Variants in RYR2 observed in about 807,000 individuals in gnomAD.
The protein encoded by RYR2 is ryanodine receptor 2.
Under a neutral mutation model 601.1 loss-of-function variants are expected in RYR2, and 227 were observed. The ratio of observed to expected loss-of-function variants is 0.38; its 90% CI spans 0.34 to 0.42. RYR2 has a LOEUF of 0.42. Among genes scored for constraint, RYR2 ranks in the 10% least tolerant of loss-of-function variants. RYR2 has a pLI of 1.00. For missense variants in RYR2, 4,646 were observed against 6,156.5 expected (o/e 0.75, Z 8.21); for synonymous variants, 2,223 against 2,175.1 (o/e 1.02, Z -0.61).
intron 19 of RYR2, among the ~76,000 whole-genome samples, chr1:237,495,506 TTTTG>T (rs371798751): frequency 1.7e-4 from 26 of 152,168 alleles, no homozygotes; most frequent in African/African-American, 3.4e-4. Context: ...CCTTCTATGT[TTTTG>T]TTTGTTTGTT....
rs1408343515 is a variant in RYR2 at position 237,586,959 on chromosome 1, T to A, written c.3599-2834T>A. The stretch of plus-strand genomic sequence containing the variant: ...GTCTTGAACTTGTGGCCTCAAGTGA[T>A]CCACCTGCCTCAGCCTCCCAAAGTG... On this transcript the variant is annotated intron_variant, in intron 29 of 104. Transcript: ENST00000366574. 1.3e-5 allele frequency among the ~76,000 whole-genome samples: 2 copies of A among 152,148 alleles called. 1 individual carries two copies.
chr1:237,793,379 G>A (rs1417272772), intron 94 of RYR2, among the ~76,000 whole-genome samples: 1 of 152,204 alleles, frequency 6.6e-6, no homozygotes, highest in Non-Finnish European at 1.5e-5. Flanking sequence ...CAAACTGACA[G>A]ATTTTTGCTG....
intron 1 of RYR2, among the ~76,000 whole-genome samples, chr1:237,043,122 CG>C (rs1455937510): frequency 1.1e-4 from 16 of 152,132 alleles, no homozygotes; most frequent in Non-Finnish European, 2.2e-4. Flanking sequence ...TGACCGGGGG[CG>C]GGGGTGATGG....
intron 1 of RYR2, among the ~76,000 whole-genome samples, chr1:237,252,001 C>T (rs563938202): frequency 1.3e-5 from 2 of 152,038 alleles, no homozygotes; most frequent in Non-Finnish European, 2.9e-5. Context: ...CTTTTCCCGG[C>T]ACTTCCACAG....
rs977217632 is a variant in RYR2, at chr1:237,800,847, G to A, written c.14091-1009G>A. 4.6e-5 allele frequency among the ~76,000 whole-genome samples: 7 copies of A among 152,252 alleles called. No individual in the cohort carries two copies. The East Asian group carries it at 1.4e-3, about 29-fold the overall frequency. Reference sequence around the variant, plus strand: ...ATGTATTTAGACATTCAGTGTGTGAGCTGGGGAGTTCACAGACAAGTGAGA... The same window carrying A: ...ATGTATTTAGACATTCAGTGTGTGAACTGGGGAGTTCACAGACAAGTGAGA... On this transcript the variant is annotated intron_variant, in intron 97 of 104. Coordinates refer to ENST00000366574, the MANE Select transcript of RYR2 (RefSeq NM_001035.3).
At position 237,490,195 on chromosome 1, in the gene RYR2, C is replaced by T. The variant is rs138740512; in HGVS notation, c.1709-1611C>T. Among the ~76,000 whole-genome samples the T allele has an allele frequency of 2.1e-3, 321 of 152,202 alleles. 1 individual carries two copies. Among genetic ancestry groups the T allele is most frequent in the Non-Finnish European group, 3.6e-3 (242 of 68,012 alleles). On this transcript the variant is annotated intron_variant, in intron 17 of 104. Coordinates refer to ENST00000366574, the MANE Select transcript of RYR2 (RefSeq NM_001035.3). ...ACTACTAAGTGGGAGGAAGGGGGATCGAACAAGGGTTGAAAAATTACCTAT... is the reference window on the plus strand; with the variant it reads ...ACTACTAAGTGGGAGGAAGGGGGATTGAACAAGGGTTGAAAAATTACCTAT...
intron 1 of RYR2, among the ~76,000 whole-genome samples, chr1:237,127,387 G>A (rs1245846502): frequency 4.9e-5 from 7 of 144,194 alleles, no homozygotes; most frequent in East Asian, 2.3e-4. Flanking sequence ...CTCACCTCCC[G>A]GACGGGGCGG....
intron 1 of RYR2, among the ~76,000 whole-genome samples, chr1:237,198,921 G>T (rs1680869006): frequency 6.6e-6 from 1 of 151,760 alleles, no homozygotes; most frequent in African/African-American, 2.4e-5. Context: ...AAAAATTATA[G>T]GCTAACCACT....
At chr1:237,289,777 C>G (rs542298145) in intron 2 of RYR2, among the ~76,000 whole-genome samples, 1 of 152,074 alleles carries the variant, frequency 6.6e-6, no homozygotes, top group Non-Finnish European at 1.5e-5. Context: ...AATTCAGATA[C>G]TTTACAGAAA....
chr1:237,492,072 G>A (rs980234820), intron 18 of RYR2, 148 bp downstream of exon 18: 24 of 542,346 alleles, frequency 4.4e-5, no homozygotes, highest in Non-Finnish European at 7.3e-5. Context: ...GAGCTCTGTC[G>A]CCCAGGCTGG....
rs1574080318 is a variant in RYR2, at chr1:237,819,270, G to T, written c.14590+78G>T. The T allele has an allele frequency of 7.4e-7, 1 of 1,358,736 alleles. No individual in the cohort carries two copies. The highest frequency in any genetic ancestry group is 1.0e-6 in the Non-Finnish European group (1 of 970,032). The allele number at this position is 1,358,736 out of a possible 1,614,324, so 84.2% of individuals were successfully genotyped here. A position where few individuals can be genotyped will look rare whatever the true frequency, so the allele number is the denominator to read the frequency against. On this transcript the variant is annotated intron_variant, in intron 101 of 104. Transcript: ENST00000366574. This position sits in a 1 kb window ranked among gnomAD's most constrained non-coding sequence, Gnocchi z 4.0. ...TTGCTGAAGTTAATATTCAAGGTAGGGTAATGACGTCAAGTGTTTCCTGGC... is the reference window on the plus strand; with the variant it reads ...TTGCTGAAGTTAATATTCAAGGTAGTGTAATGACGTCAAGTGTTTCCTGGC...
At position 237,072,712 on chromosome 1, in the gene RYR2, C is replaced by T. The variant is rs138729849; in HGVS notation, c.48+30143C>T. On this transcript the variant is annotated intron_variant, in intron 1 of 104. Coordinates refer to ENST00000366574, the MANE Select transcript of RYR2 (RefSeq NM_001035.3). Reference sequence around the variant, plus strand: ...CTGTAATCCCAGCACTTCAGGAGGCCGAGGCAGGTGGATTACATGAAGTCA... The same window carrying T: ...CTGTAATCCCAGCACTTCAGGAGGCTGAGGCAGGTGGATTACATGAAGTCA... Among the ~76,000 whole-genome samples the T allele has an allele frequency of 7.1e-3, 1,073 of 151,942 alleles. 18 individuals are homozygous for T. Among genetic ancestry groups the T allele is most frequent in the African/African-American group, 0.025 (1,020 of 41,438 alleles).
intron 4 of RYR2, 54 bp from the exon 5 acceptor site, chr1:237,364,304 T>A: frequency 6.6e-7 from 1 of 1,523,572 alleles, no homozygotes; most frequent in Non-Finnish European, 8.9e-7. Context: ...TTTAAGGAAG[T>A]CTTTGAGATC....
chr1:237,332,550 C>T (rs112711365), intron 3 of RYR2, among the ~76,000 whole-genome samples: 4 of 152,080 alleles, frequency 2.6e-5, no homozygotes, highest in Non-Finnish European at 5.9e-5. Context: ...GAAATAACCC[C>T]TCCTGATTTT....
At chr1:237,603,261 C>A (rs1299919089) in intron 35 of RYR2, among the ~76,000 whole-genome samples, 2 of 152,134 alleles carry the variant, frequency 1.3e-5, no homozygotes, top group Non-Finnish European at 2.9e-5. Flanking sequence ...GAAAGAAGAC[C>A]CTGTTGAGCT....
At chr1:237,212,816 C>G (rs1372048787) in intron 1 of RYR2, among the ~76,000 whole-genome samples, 1 of 152,064 alleles carries the variant, frequency 6.6e-6, no homozygotes, top group East Asian at 1.9e-4. Flanking sequence ...GCTCTGTCAC[C>G]CAGGCTGGAG....
chr1:237,699,729 C>T (rs143730221), intron 64 of RYR2, among the ~76,000 whole-genome samples: 84 of 152,308 alleles, frequency 5.5e-4, no homozygotes, highest in Middle Eastern at 3.4e-3. Flanking sequence ...CCTTCACTTC[C>T]TACTACAAAT....
chr1:237,592,085 C>A (rs1675269101), intron 32 of RYR2, among the ~76,000 whole-genome samples: 1 of 152,152 alleles, frequency 6.6e-6, no homozygotes. Context: ...CATGCATAAT[C>A]TTAATTTTGC....
At chr1:237,265,229 G>A (rs907146042) in intron 1 of RYR2, among the ~76,000 whole-genome samples, 2 of 152,168 alleles carry the variant, frequency 1.3e-5, no homozygotes, top group East Asian at 3.9e-4. Context: ...CGAAAGTCCT[G>A]TAGGAGAAAA....
Sources: gnomAD v4.1 joint callset for allele counts (sites outside exome capture counted in the v4.1 genomes callset) on GRCh38, gnomAD v4.1.1 for gene constraint, Gnocchi (gnomAD v3.1) non-coding constraint, MANE v1.5 for transcripts, NCBI Gene and HGNC (gene_info 2026-07-23, HGNC 2026-07-21) for gene names.